DMD: variants seen among roughly 807,000 people sequenced by gnomAD.
DMD encodes the protein dystrophin.
DMD carries 63 observed loss-of-function variants against 330.1 expected under a neutral mutation model. The observed-to-expected ratio is 0.19, with a 90% CI of 0.16 to 0.24. The LOEUF is 0.24. Ranked by LOEUF, DMD falls within the 10% of genes least tolerant of loss-of-function variation. The pLI is 1.00. For synonymous variants in DMD, 1,223 were observed against 959.8 expected, an observed-to-expected ratio of 1.27 and a Z score of -5.07; for missense variants, 3,344 against 2,684.1, an observed-to-expected ratio of 1.25 and a Z score of -5.43.
chrX:31,750,067 G>A (rs1193586859), intron 51 of DMD, among the ~76,000 whole-genome samples: 1 of 110,428 alleles, frequency 9.1e-6, no homozygotes, highest in African/African-American at 3.3e-5. Flanking sequence ...TAAGCAGGTT[G>A]CGAAAATTTT....
chrX:33,212,711 T>C (rs761093302), upstream of DMD, among the ~76,000 whole-genome samples: 1 of 111,894 alleles, frequency 8.9e-6, no homozygotes, highest in Non-Finnish European at 1.9e-5. Context: ...TGTCATAACA[T>C]TGCTATTTTC....
At chrX:31,300,216 C>CA (rs994745947) in intron 62 of DMD, among the ~76,000 whole-genome samples, 11 of 112,150 alleles carry the variant, frequency 9.8e-5, no homozygotes, top group Admixed American at 1.9e-4. Context: ...GTGCAGCCAA[C>CA]AAAAAACCGA....
At chrX:32,827,065 C>CCCCCCACA (rs767139724) in intron 4 of DMD, among the ~76,000 whole-genome samples, 2 of 68,963 alleles carry the variant, frequency 2.9e-5, no homozygotes, top group East Asian at 4.2e-4. Flanking sequence ...CACCCCCCCC[C>CCCCCCACA]CACACACACA....
intron 2 of DMD, among the ~76,000 whole-genome samples, chrX:32,908,942 A>G (rs1315584781): frequency 9.0e-6 from 1 of 111,251 alleles, no homozygotes; most frequent in Non-Finnish European, 1.9e-5. Flanking sequence ...TATTTGCTAC[A>G]TAAGAGAAAG....
intron 2 of DMD, among the ~76,000 whole-genome samples, chrX:32,884,318 GA>G (rs2084315739): frequency 9.0e-6 from 1 of 111,481 alleles, no homozygotes; most frequent in Admixed American, 9.6e-5. Flanking sequence ...AGGAAATGAG[GA>G]AAAGCTGTTG....
At chrX:33,264,741 G>A (rs1225007226) in intron 1 of DMD, among the ~76,000 whole-genome samples, 1 of 109,945 alleles carries the variant, frequency 9.1e-6, no homozygotes, top group Non-Finnish European at 1.9e-5. Context: ...TGATTGGAGG[G>A]CATTCATAAT....
chrX:31,223,599 C>T (rs143790493), intron 63 of DMD, among the ~76,000 whole-genome samples: 1,376 of 112,051 alleles, frequency 0.012, 31 homozygotes, highest in African/African-American at 0.043. Flanking sequence ...AGACATTTAA[C>T]ATATACATAT....
intron 2 of DMD, among the ~76,000 whole-genome samples, chrX:33,011,270 A>G (rs1043548884): frequency 1.8e-4 from 20 of 111,504 alleles, no homozygotes; most frequent in African/African-American, 5.5e-4. Context: ...AACCAGCCCC[A>G]CAACAATATA....
At position 32,862,552 on chromosome X, in the gene DMD, T is replaced by TA. The variant is rs200862637; in HGVS notation, c.94-12733dup. Among the ~76,000 whole-genome samples, 1,056 of 111,873 alleles carry TA rather than the reference T, an allele frequency of 9.4e-3. 14 individuals are homozygous for TA. Among genetic ancestry groups the TA allele is most frequent in the African/African-American group, 0.032 (989 of 30,791 alleles). On this transcript the variant is annotated intron_variant, in intron 2 of 78. Coordinates refer to ENST00000357033, the MANE Select transcript of DMD (RefSeq NM_004006.3). The stretch of plus-strand genomic sequence containing the variant: ...TTGTTTTATCTTTAAGTTAGGTCAG[T>TA]ACTCATTCATTTTACCAGGTATTCT...
chrX:32,044,223 C>T (rs1459972808), intron 44 of DMD, among the ~76,000 whole-genome samples: 2 of 110,649 alleles, frequency 1.8e-5, no homozygotes, highest in Non-Finnish European at 3.8e-5. Flanking sequence ...ACTGAGGTGG[C>T]TATTACACAC....
At chrX:32,311,528 A>T (rs2148605121) in intron 41 of DMD, among the ~76,000 whole-genome samples, 1 of 111,808 alleles carries the variant, frequency 8.9e-6, no homozygotes, top group South Asian at 3.7e-4. Context: ...GTGATATAGC[A>T]AATTCACAGA....
intron 29 of DMD, among the ~76,000 whole-genome samples, chrX:32,417,560 G>A (rs1180578717): frequency 9.0e-6 from 1 of 110,848 alleles, no homozygotes; most frequent in Non-Finnish European, 1.9e-5. Context: ...GTGAAGAAGG[G>A]GGGCAGCCTG....
At chrX:32,582,206 A>G (rs1305352328) in intron 13 of DMD, among the ~76,000 whole-genome samples, 1 of 111,484 alleles carries the variant, frequency 9.0e-6, no homozygotes, top group East Asian at 2.8e-4. Flanking sequence ...ATAATTGGAA[A>G]GGGAGAAAGA....
intron 9 of DMD, among the ~76,000 whole-genome samples, chrX:32,697,127 T>G (rs2063715323): frequency 8.9e-6 from 1 of 111,884 alleles, no homozygotes; most frequent in African/African-American, 3.2e-5. Context: ...ATCATTTTTG[T>G]TAAAAAGTAA....
chrX:31,169,823 A>G (rs928645365), intron 73 of DMD, among the ~76,000 whole-genome samples: 6 of 112,051 alleles, frequency 5.4e-5, no homozygotes, highest in Admixed American at 1.9e-4. Flanking sequence ...TTTCAAATGA[A>G]ATTGATTGGC....
chrX:33,219,974 C>G (rs2148873070), intron 1 of DMD, among the ~76,000 whole-genome samples: 1 of 110,957 alleles, frequency 9.0e-6, no homozygotes, highest in Non-Finnish European at 1.9e-5. Context: ...ACCTAGCAAG[C>G]AGCAAGAGAG....
intron 43 of DMD, among the ~76,000 whole-genome samples, chrX:32,257,199 C>T (rs769261685): frequency 2.1e-4 from 23 of 112,054 alleles, no homozygotes; most frequent in Admixed American, 2.8e-4. Context: ...ATTTCATGCT[C>T]GTGGTTAGGA....
intron 52 of DMD, among the ~76,000 whole-genome samples, chrX:31,728,061 C>G (rs759467025): frequency 8.9e-6 from 1 of 112,578 alleles, no homozygotes; most frequent in Admixed American, 9.3e-5. Context: ...CTCGCTCTGT[C>G]GCCCAGGCTG....
In DMD at chrX:32,050,974, C is replaced by CTTTTTTTTTTTTTTTTTTTTTT. The variant is rs761835866; in HGVS notation, c.6439-82461_6439-82460insAAAAAAAAAAAAAAAAAAAAAA. Among the ~76,000 whole-genome samples, 50 of 78,120 alleles carry CTTTTTTTTTTTTTTTTTTTTTT rather than the reference C, an allele frequency of 6.4e-4. 6 individuals are homozygous for CTTTTTTTTTTTTTTTTTTTTTT. Among genetic ancestry groups the CTTTTTTTTTTTTTTTTTTTTTT allele is most frequent in the African/African-American group, 2.6e-3 (45 of 17,526 alleles). 67.8% of individuals were successfully genotyped at this position (78,120 alleles called of 115,157 possible). The stretch of plus-strand genomic sequence containing the variant: ...TTACATTGCCTCAGGCTAACTTCCT[C>CTTTTTTTTTTTTTTTTTTTTTT]TTTTTTTTTTTTTCCCCCTAATAGA... On this transcript the variant is annotated intron_variant, in intron 44 of 78. Transcript: ENST00000357033.
Sources: allele counts gnomAD v4.1 joint callset (sites outside exome capture counted in the v4.1 genomes callset), GRCh38; gene constraint gnomAD v4.1.1; transcripts MANE v1.5; gene names NCBI Gene and HGNC (gene_info 2026-07-23, HGNC 2026-07-21).